The following LAMC3 variants were observed in gnomAD, a reference collection of about 807,000 sequenced individuals.
LAMC3 encodes the protein laminin subunit gamma 3.
A neutral mutation model predicts 173.8 loss-of-function variants in LAMC3; 128 were observed. The ratio of observed to expected loss-of-function variants is 0.74; its 90% CI spans 0.64 to 0.85. The LOEUF (loss-of-function observed/expected upper bound fraction) is 0.85, where lower values mean the gene tolerates loss of function less well. LAMC3 is among the 40% of genes least tolerant of loss of function. LAMC3 has a pLI of 0.00. For synonymous variants in LAMC3, 897 were observed against 909.1 expected (o/e 0.99, Z 0.24); for missense variants, 2,022 against 2,156.0 (o/e 0.94, Z 1.23).
intron 27 of LAMC3, 77 bp downstream of exon 27, chr9:131,087,894 C>T (rs1830359995): frequency 1.8e-6 from 2 of 1,135,746 alleles, no homozygotes; most frequent in Non-Finnish European, 2.6e-6. Context: ...GAGCTCCAGT[C>T]CTGGGGAAGA....
Position 131,072,827 on chromosome 9 carries a change from G to A in LAMC3, c.3409G>A (p.Ala1137Thr), listed in dbSNP as rs149766298. 33 of 1,610,512 alleles carry A rather than the reference G, an allele frequency of 2.0e-5. No homozygotes were observed. The highest frequency in any genetic ancestry group is 1.3e-4 in the Admixed American group (8 of 59,512). ...GATTCTGCATGCAGCTGCCATTCTC[G>A]CGTCTCTGGTATCCCAGGGGACCCC... ...EEILHAAAIL[A>T]SLEIPQEGPS... is the part of the protein sequence containing the mutation. The change falls in exon 19 of 28, where the codon GCG (alanine) becomes ACG (threonine). Residue 1137 changes from alanine (A) to threonine (T), a missense_variant. By Grantham distance (58) the Ala-to-Thr change is moderately conservative. Coordinates refer to ENST00000361069, the MANE Select transcript of LAMC3 (RefSeq NM_006059.4).
chr9:131,031,899 A>C (rs1839491718), intron 2 of LAMC3, 146 bp from the exon 3 acceptor site: 1 of 1,364,974 alleles, frequency 7.3e-7, no homozygotes, highest in Non-Finnish European at 1.0e-6. Context: ...TTATTTCTGC[A>C]GTGTTCTCAG....
At position 131,052,674 on chromosome 9, in the gene LAMC3, T is replaced by C; in HGVS notation, c.1814T>C (p.Leu605Pro). 6.2e-7 allele frequency: 1 copy of C among 1,613,398 alleles called. No homozygotes were observed. Among genetic ancestry groups the C allele is most frequent in the Non-Finnish European group, 8.5e-7 (1 of 1,179,736 alleles). Residue 605 changes from leucine to proline, a missense_variant, in exon 10 of 28, where the codon CTC becomes CCC. Transcript: ENST00000361069. Reference protein sequence around the residue: ...QDAGHPREVELRFHLQETSED... With the variant: ...QDAGHPREVEPRFHLQETSED... Reference sequence around the variant, plus strand: ...GCCGGGCATCCCAGGGAGGTAGAGCTCAGGTTCCAGTAAGTATCCCCTTCT... The same window carrying C: ...GCCGGGCATCCCAGGGAGGTAGAGCCCAGGTTCCAGTAAGTATCCCCTTCT...
chr9:131,032,663 A>ACTCTCTCTCG (rs1169418843), intron 3 of LAMC3, among the ~76,000 whole-genome samples: 128 of 101,624 alleles, frequency 1.3e-3, no homozygotes, highest in African/African-American at 4.5e-3. Context: ...ACTCTCTCTC[A>ACTCTCTCTCG]CTCTCTCTCG....
Position 131,049,108 on chromosome 9 carries a change from C to T in LAMC3, c.1608C>T (p.Asp536=), listed in dbSNP as rs892989032. ...SPNGVLLSPE[D]EEELTAPEKF... is the part of the protein sequence containing the mutation. The stretch of plus-strand genomic sequence containing the variant: ...ATGGGGTCCTCCTGAGCCCAGAAGA[C>T]GAGGAGGAGCTCACAGCACCAGGTA... The change falls in exon 9 of 28, where the codon GAC becomes GAT. Residue 536 remains aspartate (D), a synonymous_variant. Coordinates refer to ENST00000361069, the MANE Select transcript of LAMC3 (RefSeq NM_006059.4). 2.1e-5 allele frequency: 32 copies of T among 1,550,516 alleles called. No homozygotes were observed. Among genetic ancestry groups the T allele is most frequent in the Non-Finnish European group, 2.5e-5 (29 of 1,145,848 alleles).
At chr9:131,045,785 G>C (rs1834143820) in intron 8 of LAMC3, 125 bp downstream of exon 8, 1 of 1,233,056 alleles carries the variant, frequency 8.1e-7, no homozygotes, top group African/African-American at 1.5e-5. Context: ...GGCCTGCACA[G>C]CCTAGGTGGG....
intron 27 of LAMC3, among the ~76,000 whole-genome samples, chr9:131,090,248 C>T (rs1229409964): frequency 6.6e-6 from 1 of 152,236 alleles, no homozygotes; most frequent in Non-Finnish European, 1.5e-5. Flanking sequence ...TCTCTTCAAC[C>T]ATTCCTGCAT....
intron 11 of LAMC3, 145 bp from the exon 12 acceptor site, chr9:131,056,784 T>C (rs1588154967): frequency 1.4e-6 from 1 of 722,884 alleles, no homozygotes; most frequent in East Asian, 2.5e-5. Context: ...AATGAGAATC[T>C]GTCTCAAAAA....
chr9:131,051,025 G>A (rs1014070166), intron 9 of LAMC3, among the ~76,000 whole-genome samples: 1 of 152,180 alleles, frequency 6.6e-6, no homozygotes, highest in African/African-American at 2.4e-5. Flanking sequence ...GCTTCAGGCC[G>A]CTTCTGCACA....
At position 131,077,403 on chromosome 9, in the gene LAMC3, A is replaced by G. The variant is rs1830149951; in HGVS notation, c.3777+69A>G. On this transcript the variant is annotated intron_variant, in intron 22 of 27. Transcript: ENST00000361069. ...CTATTATAGAAGCTGGAGGCTGGGC[A>G]CGGTGGCTCACGCCTGTAATCGCAG... The G allele has an allele frequency of 1.0e-5, 16 of 1,584,002 alleles. 1 individual carries two copies. Among genetic ancestry groups the G allele is most frequent in the South Asian group, 2.2e-5 (2 of 90,452 alleles).
chr9:131,034,059 T>TC (rs908680041), intron 3 of LAMC3, among the ~76,000 whole-genome samples: 5 of 152,228 alleles, frequency 3.3e-5, no homozygotes, highest in East Asian at 3.9e-4. Context: ...CTCCAGTGCC[T>TC]CCTGTCAGGG....
At chr9:131,034,149 C>G (rs768071322) in intron 3 of LAMC3, among the ~76,000 whole-genome samples, 3 of 152,196 alleles carry the variant, frequency 2.0e-5, no homozygotes, top group Non-Finnish European at 4.4e-5. Flanking sequence ...GGGCAGGCTG[C>G]TCATGGCAGG....
intron 3 of LAMC3, among the ~76,000 whole-genome samples, chr9:131,033,147 G>A (rs1328385721): frequency 6.6e-6 from 1 of 152,224 alleles, no homozygotes; most frequent in Non-Finnish European, 1.5e-5. Context: ...GGAGGTAGAG[G>A]CCCATCTCTC....
At chr9:131,056,022 G>A (rs1362576871) in intron 11 of LAMC3, among the ~76,000 whole-genome samples, 2 of 103,540 alleles carry the variant, frequency 1.9e-5, no homozygotes, top group Admixed American at 9.8e-5. Flanking sequence ...AGGCGAAACC[G>A]TTTTTCTACA....
intron 1 of LAMC3, among the ~76,000 whole-genome samples, chr9:131,017,497 G>C (rs1459354178): frequency 6.6e-6 from 1 of 151,904 alleles, no homozygotes; most frequent in Non-Finnish European, 1.5e-5. Flanking sequence ...GGCCGAGGCC[G>C]GCGGATCACT....
At chr9:131,057,553 G>C (rs1006316501) in intron 12 of LAMC3, among the ~76,000 whole-genome samples, 2 of 152,214 alleles carry the variant, frequency 1.3e-5, no homozygotes, top group Non-Finnish European at 2.9e-5. Context: ...GACAGCAGGA[G>C]GGTTCTCAAG....
chr9:131,019,487 A>C (rs1380206786), intron 1 of LAMC3, among the ~76,000 whole-genome samples: 2 of 152,208 alleles, frequency 1.3e-5, no homozygotes, highest in East Asian at 3.9e-4. Flanking sequence ...CAGTCCTGAC[A>C]GTGTGGATCA....
At chr9:131,060,073 G>A (rs1000746950) in intron 12 of LAMC3, among the ~76,000 whole-genome samples, 3 of 152,124 alleles carry the variant, frequency 2.0e-5, no homozygotes, top group Non-Finnish European at 2.9e-5. Flanking sequence ...AGGTGCAGTC[G>A]GCCTGGGGAA....
chr9:131,086,889 GAA>G (rs199984134), intron 25 of LAMC3, among the ~76,000 whole-genome samples: 2 of 138,340 alleles, frequency 1.4e-5, no homozygotes, highest in African/African-American at 2.7e-5. Context: ...ACTCTGCCTC[GAA>G]AAAAAAAAAG....
Sources: gnomAD v4.1 joint callset for allele counts (sites outside exome capture counted in the v4.1 genomes callset) on GRCh38, gnomAD v4.1.1 for gene constraint, MANE v1.5 for transcripts, NCBI Gene and HGNC (gene_info 2026-07-23, HGNC 2026-07-21) for gene names.